RALGAPA1: variants seen among roughly 807,000 people sequenced by gnomAD.
RALGAPA1 encodes the protein Ral GTPase activating protein catalytic subunit alpha 1.
Under a neutral mutation model 269.6 loss-of-function variants are expected in RALGAPA1, and 52 were observed. The ratio of observed to expected loss-of-function variants is 0.19; its 90% CI spans 0.15 to 0.24. The LOEUF (loss-of-function observed/expected upper bound fraction) is 0.24, where lower values mean the gene tolerates loss of function less well. Among genes scored for constraint, RALGAPA1 ranks in the 10% least tolerant of loss-of-function variants. The pLI is 1.00. For missense variants in RALGAPA1, 1,917 were observed against 3,013.9 expected (o/e 0.64, Z 8.52); for synonymous variants, 817 against 1,008.3 (o/e 0.81, Z 3.60).
rs2072351487 is a variant in RALGAPA1 at position 35,748,512 on chromosome 14, C to T, written c.1251+73G>A. ...TAAAGGTACACACCACTGTTCCCAG[C>T]TAAAAATCAGTATGTTTAATATTAA... On this transcript the variant is annotated intron_variant, in intron 10 of 41. Coordinates refer to ENST00000680220, the MANE Select transcript of RALGAPA1 (RefSeq NM_001346249.2). The T allele has an allele frequency of 2.0e-6, 3 of 1,465,852 alleles. No individual in the cohort carries two copies. The African/African-American group carries it at 4.3e-5, about 21-fold the overall frequency. The allele number at this position is 1,465,852 out of a possible 1,614,324, so 90.8% of individuals were successfully genotyped here.
At chr14:35,608,179 C>CA (rs1298859281) in intron 35 of RALGAPA1, among the ~76,000 whole-genome samples, 2 of 151,224 alleles carry the variant, frequency 1.3e-5, no homozygotes, top group Non-Finnish European at 3.0e-5. Flanking sequence ...GCATGTGGGA[C>CA]AAAAAAAACA....
chr14:35,648,124 A>C (rs960929087), intron 31 of RALGAPA1, among the ~76,000 whole-genome samples: 1 of 151,426 alleles, frequency 6.6e-6, no homozygotes, highest in African/African-American at 2.4e-5. Context: ...AAAAAAACAA[A>C]AAAAAAAACC....
chr14:35,808,181 C>CT (rs1277160949), intron 1 of RALGAPA1, among the ~76,000 whole-genome samples: 1 of 152,062 alleles, frequency 6.6e-6, no homozygotes, highest in East Asian at 1.9e-4. Context: ...GTTAAACTAC[C>CT]TATAATAGTT....
chr14:35,723,547 A>G (rs1393045088), intron 14 of RALGAPA1: 3 of 199,854 alleles, frequency 1.5e-5, no homozygotes, highest in African/African-American at 2.3e-5. Context: ...TGTTAAATAA[A>G]TGCTATTTAA....
At chr14:35,585,915 G>A (rs1335331267) in intron 37 of RALGAPA1, among the ~76,000 whole-genome samples, 4 of 152,180 alleles carry the variant, frequency 2.6e-5, no homozygotes, top group Non-Finnish European at 5.9e-5. Context: ...TTTTTGCTTA[G>A]GATTGTCTTG....
chr14:35,612,718 T>G (rs1446869256), intron 35 of RALGAPA1, among the ~76,000 whole-genome samples: 1 of 151,978 alleles, frequency 6.6e-6, no homozygotes, highest in Non-Finnish European at 1.5e-5. Flanking sequence ...TTTTGTATTT[T>G]TAGTAGAGAT....
At position 35,723,178 on chromosome 14, in the gene RALGAPA1, C is replaced by T. The variant is rs2069584927; in HGVS notation, c.1953G>A (p.Ser651=). 1.2e-5 allele frequency: 20 copies of T among 1,613,386 alleles called. No individual in the cohort carries two copies. In the East Asian group the frequency reaches 3.8e-4, roughly 31 times the overall value. The change falls in exon 15 of 42, where the codon TCG becomes TCA. Residue 651 remains serine (S), a synonymous_variant. Transcript: ENST00000680220. ...TGGCCAACTCTTCCCAATAGGTCAGCGATGACAATACTGACAGTAAGTCAT... is the reference window on the plus strand; with the variant it reads ...TGGCCAACTCTTCCCAATAGGTCAGTGATGACAATACTGACAGTAAGTCAT... ...LWDDLLSVLS[S]LTYWEELATE... is the part of the protein sequence containing the mutation.
chr14:35,747,363 A>G (rs559783593), intron 10 of RALGAPA1, among the ~76,000 whole-genome samples: 4 of 152,346 alleles, frequency 2.6e-5, no homozygotes, highest in African/African-American at 9.6e-5. Flanking sequence ...TAGTTCTACA[A>G]GCTTTAAAAT....
intron 6 of RALGAPA1, among the ~76,000 whole-genome samples, chr14:35,760,182 G>T (rs1180580555): frequency 6.6e-6 from 1 of 152,154 alleles, no homozygotes; most frequent in Admixed American, 6.5e-5. Flanking sequence ...AATGTTAAAT[G>T]ATCTGTATTA....
chr14:35,792,654 A>G (rs541606525), intron 1 of RALGAPA1, among the ~76,000 whole-genome samples: 15 of 151,802 alleles, frequency 9.9e-5, no homozygotes, highest in African/African-American at 3.4e-4. Flanking sequence ...ATGGCGGTGC[A>G]TGCCTGTAAT....
intron 1 of RALGAPA1, among the ~76,000 whole-genome samples, chr14:35,783,034 G>A (rs2075561781): frequency 6.6e-6 from 1 of 151,760 alleles, no homozygotes. Context: ...ATGTTGCCCA[G>A]GCTGGTCTCA....
chr14:35,664,856 A>G, intron 26 of RALGAPA1, 89 bp from the exon 27 acceptor site: 1 of 1,208,766 alleles, frequency 8.3e-7, no homozygotes, highest in Non-Finnish European at 1.2e-6. Context: ...TACATTAGAC[A>G]GGGAAGTGAT....
In RALGAPA1 at chr14:35,648,797, C is replaced by CA. The variant is rs542583122; in HGVS notation, c.5676+3007dup. ...TGGGTGACAGAGTGAGACCCTGTCT[C>CA]AAAAAAAACAGTGAATAAAGTCTGA... On this transcript the variant is annotated intron_variant, in intron 31 of 41. Transcript: ENST00000680220. 1.7e-4 allele frequency among the ~76,000 whole-genome samples: 26 copies of CA among 151,472 alleles called. 1 individual carries two copies. The South Asian group carries it at 2.5e-3, about 15-fold the overall frequency.
At chr14:35,801,654 GT>G (rs2141926612) in intron 1 of RALGAPA1, among the ~76,000 whole-genome samples, 1 of 152,260 alleles carries the variant, frequency 6.6e-6, no homozygotes, top group Admixed American at 6.5e-5. Flanking sequence ...GAAATCTTCT[GT>G]TTATACCAAC....
At chr14:35,671,907 C>A (rs1256725000) in intron 25 of RALGAPA1, among the ~76,000 whole-genome samples, 3 of 152,130 alleles carry the variant, frequency 2.0e-5, no homozygotes, top group Non-Finnish European at 4.4e-5. Context: ...TGACCCGTTA[C>A]GTGACAATTG....
At chr14:35,732,472 A>C (rs949850951) in intron 12 of RALGAPA1, among the ~76,000 whole-genome samples, 2 of 152,202 alleles carry the variant, frequency 1.3e-5, no homozygotes, top group Non-Finnish European at 1.5e-5. Flanking sequence ...TGTAGAATGG[A>C]TAAGAACTCA....
chr14:35,556,681 C>T (rs2139217841), intron 39 of RALGAPA1, among the ~76,000 whole-genome samples: 1 of 152,226 alleles, frequency 6.6e-6, no homozygotes, highest in Admixed American at 6.5e-5. Flanking sequence ...GGCTTTAATC[C>T]ATCCTTTTAA....
intron 1 of RALGAPA1, among the ~76,000 whole-genome samples, chr14:35,797,374 CAAAGT>C (rs929440339): frequency 1.3e-4 from 14 of 109,554 alleles, no homozygotes; most frequent in Middle Eastern, 4.8e-3. Context: ...AAAAAGATGC[CAAAGT>C]AAAGACTTTT....
At chr14:35,582,996 C>A (rs963839652) in intron 37 of RALGAPA1, among the ~76,000 whole-genome samples, 2 of 152,096 alleles carry the variant, frequency 1.3e-5, no homozygotes, top group Admixed American at 6.5e-5. Flanking sequence ...ACCACCATAC[C>A]ACTAAAGGCC....
Sources: gnomAD v4.1 joint callset for allele counts (sites outside exome capture counted in the v4.1 genomes callset) on GRCh38, gnomAD v4.1.1 for gene constraint, MANE v1.5 for transcripts, NCBI Gene and HGNC (gene_info 2026-07-23, HGNC 2026-07-21) for gene names.